SNAP25: variants seen among roughly 807,000 people sequenced by gnomAD.
The protein encoded by SNAP25 is synaptosome associated protein 25, also known as synaptosomal-associated protein 25.
Under a neutral mutation model 28.7 loss-of-function variants are expected in SNAP25, and 3 were observed. The observed-to-expected ratio is 0.10, with a 90% CI of 0.05 to 0.27. The LOEUF is 0.27. Ranked by LOEUF, SNAP25 falls within the 10% of genes least tolerant of loss-of-function variation. The probability of loss-of-function intolerance (pLI) is 1.00; values close to 1 mark genes in which losing one functional copy is unlikely to be tolerated. For synonymous variants in SNAP25, 61 were observed against 88.1 expected, an observed-to-expected ratio of 0.69 and a Z score of 1.72; for missense variants, 117 against 278.7, an observed-to-expected ratio of 0.42 and a Z score of 4.13.
chr20:10,242,886 C>T (rs1008286151), intron 1 of SNAP25, among the ~76,000 whole-genome samples: 4 of 152,200 alleles, frequency 2.6e-5, no homozygotes, highest in Non-Finnish European at 5.9e-5. Flanking sequence ...ACATTAGAAT[C>T]TTCTACCAAA....
intron 1 of SNAP25, among the ~76,000 whole-genome samples, chr20:10,246,797 A>G (rs1382635211): frequency 1.3e-5 from 2 of 152,208 alleles, no homozygotes; most frequent in Non-Finnish European, 2.9e-5. Context: ...CGCTGGGTAC[A>G]ATATTCCTGT....
At chr20:10,246,431 C>A (rs185807879) in intron 1 of SNAP25, among the ~76,000 whole-genome samples, 6 of 152,132 alleles carry the variant, frequency 3.9e-5, no homozygotes. Flanking sequence ...AATGATTGGC[C>A]GAGCCCAGGA....
chr20:10,302,551 T>C (rs534940984), intron 7 of SNAP25, among the ~76,000 whole-genome samples: 79 of 152,348 alleles, frequency 5.2e-4, no homozygotes, highest in Middle Eastern at 6.8e-3. Flanking sequence ...GAAGATGGGC[T>C]GAACAGCTCC....
chr20:10,275,157 C>T (rs1481195237), intron 1 of SNAP25, among the ~76,000 whole-genome samples: 2 of 152,102 alleles, frequency 1.3e-5, no homozygotes, highest in Non-Finnish European at 2.9e-5. Flanking sequence ...ATCCCTCCAA[C>T]CTCATCATTC....
intron 3 of SNAP25, among the ~76,000 whole-genome samples, chr20:10,282,327 G>A (rs1568615046): frequency 6.6e-6 from 1 of 152,092 alleles, no homozygotes; most frequent in African/African-American, 2.4e-5. Context: ...TCTTAAACGT[G>A]GAGAAACATT....
intron 1 of SNAP25, among the ~76,000 whole-genome samples, chr20:10,257,910 C>A (rs1330691107): frequency 6.6e-6 from 1 of 151,012 alleles, no homozygotes; most frequent in Non-Finnish European, 1.5e-5. Context: ...AAAAAGTTCA[C>A]CTGCTAGCTG....
rs6039794 is a variant in SNAP25, at chr20:10,263,347, C to G, written c.-63-12082C>G. On this transcript the variant is annotated intron_variant, in intron 1 of 7. Coordinates refer to ENST00000254976, the MANE Select transcript of SNAP25 (RefSeq NM_130811.4). ...CCTGGGGTATTCTTACAAAGAGGGT[C>G]ACAGGCACAGAAACACGGAGATGAC... Among the ~76,000 whole-genome samples the G allele has an allele frequency of 3.9e-3, 590 of 152,158 alleles. 4 individuals are homozygous for G. The highest frequency in any genetic ancestry group is 0.013 in the African/African-American group (549 of 41,514).
chr20:10,220,863 T>G (rs2062619410), intron 1 of SNAP25, among the ~76,000 whole-genome samples: 1 of 152,278 alleles, frequency 6.6e-6, no homozygotes, highest in South Asian at 2.1e-4. Context: ...TCCCTGTCCA[T>G]ATACAGAAGG....
Position 10,293,350 on chromosome 20 carries a change from T to C in SNAP25, c.281+72T>C, listed in dbSNP as rs1027033050. 20 of 1,181,468 alleles carry C rather than the reference T, an allele frequency of 1.7e-5. No homozygotes were observed. Among genetic ancestry groups the C allele is most frequent in the East Asian group, 2.3e-5 (1 of 42,908 alleles). 73.2% of individuals were successfully genotyped at this position (1,181,468 alleles called of 1,614,324 possible). The stretch of plus-strand genomic sequence containing the variant: ...CTCCAAGCCTTGACAAGCTCATTCC[T>C]GCCAAGCTCATAGGCAGGATGAGCA... On this transcript the variant is annotated intron_variant, in intron 5 of 7. Transcript: ENST00000254976. The surrounding 1 kb of genome is among the most constrained non-coding windows in gnomAD (Gnocchi z 5.6).
chr20:10,294,846 G>C (rs1176424396), intron 5 of SNAP25, among the ~76,000 whole-genome samples: 4 of 150,782 alleles, frequency 2.7e-5, no homozygotes, highest in Admixed American at 2.6e-4. Context: ...AGATTTGACT[G>C]TATATTCCTT....
intron 1 of SNAP25, among the ~76,000 whole-genome samples, chr20:10,273,696 T>C (rs1200471611): frequency 1.3e-5 from 2 of 152,196 alleles, no homozygotes; most frequent in Non-Finnish European, 2.9e-5. Context: ...TTCCTTGCAA[T>C]GGGAATTAGA....
At chr20:10,297,984 T>TA (rs112970133) in intron 6 of SNAP25, among the ~76,000 whole-genome samples, 5,268 of 143,288 alleles carry the variant, frequency 0.037, 127 homozygotes, top group African/African-American at 0.076. Flanking sequence ...GCATTTCCTT[T>TA]AAAAAAAAAA....
chr20:10,290,524 A>G (rs1423577848), intron 4 of SNAP25, among the ~76,000 whole-genome samples: 1 of 152,026 alleles, frequency 6.6e-6, no homozygotes, highest in Non-Finnish European at 1.5e-5. Flanking sequence ...CCTTTTTAAT[A>G]TCAATTATCT....
At chr20:10,242,551 A>G (rs2122745783) in intron 1 of SNAP25, among the ~76,000 whole-genome samples, 1 of 152,318 alleles carries the variant, frequency 6.6e-6, no homozygotes, top group Non-Finnish European at 1.5e-5. Flanking sequence ...CACCTCCAGC[A>G]TCTGTTATAG....
chr20:10,306,260 C>T lies in SNAP25; in HGVS notation c.*63C>T. 1 of 1,494,672 alleles carries T rather than the reference C, an allele frequency of 6.7e-7. No individual in the cohort carries two copies. The highest frequency in any genetic ancestry group is 2.3e-5 in the East Asian group (1 of 44,200). The allele number at this position is 1,494,672 out of a possible 1,614,324, so 92.6% of individuals were successfully genotyped here. A position where few individuals can be genotyped will look rare whatever the true frequency, so the allele number is the denominator to read the frequency against. The stretch of plus-strand genomic sequence containing the variant: ...CAAGATAGCTCCTTCATGCTTTTCT[C>T]ATGGTATTATCTAGTAGGTCTGCAC... On this transcript the variant is annotated 3_prime_UTR_variant, in exon 8 of 8. Coordinates refer to ENST00000254976, the MANE Select transcript of SNAP25 (RefSeq NM_130811.4).
intron 1 of SNAP25, among the ~76,000 whole-genome samples, chr20:10,264,711 G>C (rs1413762712): frequency 6.6e-6 from 1 of 152,068 alleles, no homozygotes; most frequent in Non-Finnish European, 1.5e-5. Flanking sequence ...TTTCCCACTG[G>C]ATCCTTGCAA....
chr20:10,224,291 T>TTTTTTA (rs2062694540), intron 1 of SNAP25, among the ~76,000 whole-genome samples: 1 of 139,602 alleles, frequency 7.2e-6, no homozygotes, highest in Non-Finnish European at 1.6e-5. Flanking sequence ...TTTTTTTTTT[T>TTTTTTA]TGCAGTCTTT....
At chr20:10,232,200 G>A (rs1317696787) in intron 1 of SNAP25, among the ~76,000 whole-genome samples, 2 of 152,142 alleles carry the variant, frequency 1.3e-5, no homozygotes, top group African/African-American at 4.8e-5. Flanking sequence ...ATACACATGC[G>A]ATTTGTACTC....
At chr20:10,270,707 A>AAAAG (rs1443558735) in intron 1 of SNAP25, among the ~76,000 whole-genome samples, 1 of 152,120 alleles carries the variant, frequency 6.6e-6, no homozygotes, top group Non-Finnish European at 1.5e-5. Flanking sequence ...TCAAAAAAAA[A>AAAAG]AAAGAAAGAA....
Sources: allele counts gnomAD v4.1 joint callset (sites outside exome capture counted in the v4.1 genomes callset), GRCh38; gene constraint gnomAD v4.1.1; non-coding constraint Gnocchi (gnomAD v3.1); transcripts MANE v1.5; gene names NCBI Gene and HGNC (gene_info 2026-07-23, HGNC 2026-07-21).